Variants in GRB2 observed in about 807,000 individuals in gnomAD.
GRB2 encodes the protein growth factor receptor bound protein 2.
In GRB2, 2 loss-of-function variants were observed where a neutral mutation model predicts 27.4. That is an observed-to-expected ratio of 0.07 (90% CI 0.03 to 0.23). The LOEUF (loss-of-function observed/expected upper bound fraction) is 0.23. Among genes scored for constraint, GRB2 ranks in the 10% least tolerant of loss-of-function variants. GRB2 has a pLI of 1.00. For missense variants in GRB2, 102 were observed against 282.4 expected, an observed-to-expected ratio of 0.36 and a Z score of 4.58; for synonymous variants, 94 against 99.6, an observed-to-expected ratio of 0.94 and a Z score of 0.33.
chr17:75,322,950 T>G (rs1291691693), intron 4 of GRB2, among the ~76,000 whole-genome samples: 1 of 151,844 alleles, frequency 6.6e-6, no homozygotes, highest in Non-Finnish European at 1.5e-5. Flanking sequence ...AAACCCCGTC[T>G]CTACTAAAAA....
intron 2 of GRB2, chr17:75,371,982 G>T (rs561746709): frequency 6.6e-6 from 1 of 152,074 alleles, no homozygotes; most frequent in African/African-American, 2.4e-5. Context: ...AGACTTTGCC[G>T]AAGATTATTT....
chr17:75,339,250 G>A, intron 2 of GRB2: 1 of 629,730 alleles, frequency 1.6e-6, no homozygotes. Flanking sequence ...CTGGAGTGCA[G>A]TGGCACGATC....
intron 1 of GRB2, among the ~76,000 whole-genome samples, chr17:75,397,209 C>T (rs1463438494): frequency 1.3e-5 from 2 of 152,034 alleles, no homozygotes; most frequent in African/African-American, 4.8e-5. Flanking sequence ...AGAGCATATT[C>T]GCTAAAGGAA....
chr17:75,329,996 CAG>C (rs1377164832), intron 3 of GRB2, among the ~76,000 whole-genome samples: 3 of 151,978 alleles, frequency 2.0e-5, no homozygotes, highest in Non-Finnish European at 2.9e-5. Context: ...TTTTTTGAGA[CAG>C]AGTCTTGCTT....
rs753758491 is a variant in GRB2, at chr17:75,321,583, C to G, written c.468+76G>C. 593 of 1,396,486 alleles carry G rather than the reference C, an allele frequency of 4.2e-4. 2 individuals carry two copies. Among genetic ancestry groups the G allele is most frequent in the Non-Finnish European group, 5.7e-4 (569 of 996,828 alleles). 86.5% of individuals were successfully genotyped at this position (1,396,486 alleles called of 1,614,324 possible). On this transcript the variant is annotated intron_variant, in intron 5 of 5. Transcript: ENST00000316804. Reference sequence around the variant, plus strand: ...GCGCCCGCATGTTGAGGGGCGCCTCCCCTTTCCTACAGGAATGCACACTGA... The same window carrying G: ...GCGCCCGCATGTTGAGGGGCGCCTCGCCTTTCCTACAGGAATGCACACTGA...
At chr17:75,381,086 A>C (rs1294236825) in intron 2 of GRB2, among the ~76,000 whole-genome samples, 1 of 152,240 alleles carries the variant, frequency 6.6e-6, no homozygotes, top group African/African-American at 2.4e-5. Flanking sequence ...TTATTAACAG[A>C]AACAAGTGAA....
At chr17:75,325,813 G>A in intron 4 of GRB2, 85 bp downstream of exon 4, 1 of 1,368,104 alleles carries the variant, frequency 7.3e-7, no homozygotes, top group Non-Finnish European at 1.0e-6. Flanking sequence ...ACCATTTTGT[G>A]TGTAGCCAGG....
chr17:75,373,504 T>C (rs2078869408), intron 2 of GRB2: 1 of 152,166 alleles, frequency 6.6e-6, no homozygotes, highest in South Asian at 2.1e-4. Context: ...GAGTTGACAG[T>C]AAGCTTGGCT....
intron 1 of GRB2, 91 bp from the exon 2 acceptor site, chr17:75,393,856 CCCTGGCTCGG>C: frequency 5.5e-6 from 3 of 548,468 alleles, no homozygotes; most frequent in Non-Finnish European, 6.4e-6. Flanking sequence ...CCCCCACGCC[CCCTGGCTCGG>C]CCTGGCTCAG....
chr17:75,374,213 C>T (rs1399591478), intron 2 of GRB2, among the ~76,000 whole-genome samples: 4 of 151,488 alleles, frequency 2.6e-5, no homozygotes, highest in African/African-American at 9.7e-5. Context: ...TGAGACCAGC[C>T]TGGCCATTAT....
At chr17:75,342,017 C>T (rs977314357) in intron 2 of GRB2, among the ~76,000 whole-genome samples, 8 of 152,096 alleles carry the variant, frequency 5.3e-5, no homozygotes, top group Non-Finnish European at 1.0e-4. Context: ...GTCAACTCAC[C>T]GACCTCTAAA....
intron 4 of GRB2, among the ~76,000 whole-genome samples, chr17:75,323,121 T>TA (rs55801107): frequency 0.059 from 5,988 of 101,188 alleles, 220 homozygotes; most frequent in Middle Eastern, 0.13. Flanking sequence ...TCCATCTCAT[T>TA]AAAAAAAAAA....
At chr17:75,321,972 G>A in intron 4 of GRB2, 145 bp from the exon 5 acceptor site, 1 of 707,126 alleles carries the variant, frequency 1.4e-6, no homozygotes, top group Non-Finnish European at 2.4e-6. Flanking sequence ...TCCTCACTGG[G>A]TGTCCCTGGG....
At chr17:75,323,772 A>G (rs913632318) in intron 4 of GRB2, among the ~76,000 whole-genome samples, 7 of 151,884 alleles carry the variant, frequency 4.6e-5, no homozygotes, top group African/African-American at 1.7e-4. Context: ...GTATAAAACT[A>G]AAGAAAGACA....
intron 2 of GRB2, among the ~76,000 whole-genome samples, chr17:75,359,158 A>G (rs1467961129): frequency 3.1e-5 from 2 of 64,826 alleles, no homozygotes; most frequent in African/African-American, 1.1e-4. Context: ...TTGAGACTAC[A>G]TCTCAAAAAA....
chr17:75,328,532 C>T (rs540652649), intron 3 of GRB2, among the ~76,000 whole-genome samples: 128 of 152,042 alleles, frequency 8.4e-4, no homozygotes, highest in African/African-American at 3.0e-3. Context: ...CCCAGCTACT[C>T]GGGAGGCTGA....
At chr17:75,357,633 G>C (rs1289614567) in intron 2 of GRB2, among the ~76,000 whole-genome samples, 1 of 152,140 alleles carries the variant, frequency 6.6e-6, no homozygotes, top group South Asian at 2.1e-4. Context: ...GCTTAAAACT[G>C]AGGCAGGCCA....
At chr17:75,399,924 C>G (rs1025881098) in intron 1 of GRB2, among the ~76,000 whole-genome samples, 4 of 152,184 alleles carry the variant, frequency 2.6e-5, no homozygotes, top group Non-Finnish European at 4.4e-5. Context: ...CCTGCCTCAG[C>G]CTCCCAAAGT....
At chr17:75,375,387 G>A (rs76544190) in intron 2 of GRB2, among the ~76,000 whole-genome samples, 7 of 147,568 alleles carry the variant, frequency 4.7e-5, no homozygotes, top group African/African-American at 5.0e-5. Context: ...CAATCTTCAG[G>A]AAAAAAAAAA....
Sources: gnomAD v4.1 joint callset for allele counts (sites outside exome capture counted in the v4.1 genomes callset) on GRCh38, gnomAD v4.1.1 for gene constraint, MANE v1.5 for transcripts, NCBI Gene and HGNC (gene_info 2026-07-23, HGNC 2026-07-21) for gene names.